PRIMPOL: variants seen among roughly 807,000 people sequenced by gnomAD.
PRIMPOL encodes the protein primase and DNA directed polymerase, also known as DNA-directed primase/polymerase protein.
Under a neutral mutation model 63.6 loss-of-function variants are expected in PRIMPOL, and 54 were observed. The ratio of observed to expected loss-of-function variants is 0.85; its 90% CI spans 0.68 to 1.07. PRIMPOL has a LOEUF of 1.07. Ranked by LOEUF, PRIMPOL falls within the 50% of genes least tolerant of loss-of-function variation. PRIMPOL has a pLI of 0.00. For synonymous variants in PRIMPOL, 197 were observed against 220.2 expected (o/e 0.89, Z 0.93); for missense variants, 610 against 648.3 (o/e 0.94, Z 0.64).
intron 8 of PRIMPOL, among the ~76,000 whole-genome samples, chr4:184,679,820 C>T (rs1755123274): frequency 6.6e-6 from 1 of 152,162 alleles, no homozygotes; most frequent in Admixed American, 6.5e-5. Context: ...TTGCACACTC[C>T]TTATGAGAAT....
At chr4:184,687,604 G>C (rs896714696) in intron 11 of PRIMPOL, among the ~76,000 whole-genome samples, 2 of 151,914 alleles carry the variant, frequency 1.3e-5, no homozygotes, top group African/African-American at 2.4e-5. Context: ...ACAATATACT[G>C]TTTTCTTTTT....
At chr4:184,681,853 C>T (rs75075970) in intron 8 of PRIMPOL, among the ~76,000 whole-genome samples, 16,054 of 152,114 alleles carry the variant, frequency 0.11, 1,041 homozygotes, top group Admixed American at 0.15. Flanking sequence ...GGATTATAGG[C>T]GTGAGCCACT....
At chr4:184,672,559 C>T (rs1461881059) in intron 7 of PRIMPOL, 99 bp downstream of exon 7, 1 of 1,206,426 alleles carries the variant, frequency 8.3e-7, no homozygotes. Flanking sequence ...TTCTTGCTTC[C>T]TCCACTGCCC....
intron 9 of PRIMPOL, 93 bp from the exon 10 acceptor site, chr4:184,685,316 C>A: frequency 1.1e-6 from 1 of 914,974 alleles, no homozygotes; most frequent in Non-Finnish European, 1.8e-6. Context: ...TGAGAGATTG[C>A]AAAACCCGTA....
intron 13 of PRIMPOL, chr4:184,694,175 C>T: frequency 9.8e-7 from 1 of 1,016,340 alleles, no homozygotes; most frequent in African/African-American, 1.7e-5. Context: ...AGTCCATTGT[C>T]AAGATAGCAA....
intron 1 of PRIMPOL, among the ~76,000 whole-genome samples, chr4:184,651,768 C>T (rs983722490): frequency 1.2e-4 from 18 of 152,274 alleles, no homozygotes; most frequent in Middle Eastern, 6.8e-3. Context: ...CCTGCCTCAG[C>T]CTCCCAAGTG....
rs528223729 is a variant in PRIMPOL at position 184,675,742 on chromosome 4, G to A, written c.845-2490G>A. On this transcript the variant is annotated intron_variant, in intron 7 of 13. Coordinates refer to ENST00000314970, the MANE Select transcript of PRIMPOL (RefSeq NM_152683.4). Reference sequence around the variant, plus strand: ...TGAGACATGAGAATCACTTGAATCCGGGAGGCAGAGGTTGCAGTGAGCCGA... The same window carrying A: ...TGAGACATGAGAATCACTTGAATCCAGGAGGCAGAGGTTGCAGTGAGCCGA... Among the ~76,000 whole-genome samples the A allele has an allele frequency of 1.0e-4, 15 of 149,750 alleles. No individual in the cohort carries two copies. The South Asian group carries it at 2.5e-3, about 25-fold the overall frequency.
In PRIMPOL at chr4:184,694,941, C is replaced by G; in HGVS notation, c.*162C>G. ...GTAAACCAATTTCATTAAAAATTAG[C>G]TTTGGTGTAAATTCAGGAGAAATCG... On this transcript the variant is annotated 3_prime_UTR_variant, in exon 14 of 14. Transcript: ENST00000314970. 1 of 609,474 alleles carries G rather than the reference C, an allele frequency of 1.6e-6. No homozygotes were observed. Among genetic ancestry groups the G allele is most frequent in the Non-Finnish European group, 2.8e-6 (1 of 359,556 alleles). The allele number at this position is 609,474 out of a possible 1,614,324, so 37.8% of individuals were successfully genotyped here. A position where few individuals can be genotyped will look rare whatever the true frequency, so the allele number is the denominator to read the frequency against.
intron 7 of PRIMPOL, among the ~76,000 whole-genome samples, chr4:184,673,866 A>T (rs770006962): frequency 6.6e-6 from 1 of 152,190 alleles, no homozygotes; most frequent in Non-Finnish European, 1.5e-5. Context: ...GCTGGATTGC[A>T]TGTTTTTCTA....
intron 12 of PRIMPOL, 33 bp from the exon 13 acceptor site, chr4:184,691,633 A>C: frequency 6.2e-7 from 1 of 1,601,854 alleles, no homozygotes; most frequent in Non-Finnish European, 8.6e-7. Context: ...GATAACTGTA[A>C]TATGTAATAG....
intron 11 of PRIMPOL, 125 bp downstream of exon 11, chr4:184,685,809 T>TC (rs1415793234): frequency 9.5e-6 from 5 of 524,208 alleles, no homozygotes; most frequent in African/African-American, 6.1e-5. Flanking sequence ...TTAAATTTCT[T>TC]TTTTTTTTCC....
intron 11 of PRIMPOL, among the ~76,000 whole-genome samples, chr4:184,688,080 T>G (rs1158534624): frequency 6.6e-6 from 1 of 152,220 alleles, no homozygotes; most frequent in East Asian, 1.9e-4. Flanking sequence ...TAGGCCACAG[T>G]TTATCTGTTT....
chr4:184,685,465 C>G lies in PRIMPOL; in HGVS notation c.1153C>G (p.Leu385Val), dbSNP rs911977216. ...SPYPEVDHFVLSLVNKDGIKG... is the reference protein window; with the variant it reads ...SPYPEVDHFVVSLVNKDGIKG... The stretch of plus-strand genomic sequence containing the variant: ...CTATCCTGAAGTTGATCATTTTGTT[C>G]TTTCTTTGGTGAATAAAGATGGCAT... Residue 385 changes from leucine to valine, a missense_variant, in exon 10 of 14, where the codon CTT becomes GTT. Coordinates refer to ENST00000314970, the MANE Select transcript of PRIMPOL (RefSeq NM_152683.4). 1 of 1,612,934 alleles carries G rather than the reference C, an allele frequency of 6.2e-7. No homozygotes were observed.
intron 5 of PRIMPOL, among the ~76,000 whole-genome samples, chr4:184,662,130 A>C (rs979741600): frequency 6.6e-5 from 10 of 152,184 alleles, no homozygotes; most frequent in Admixed American, 3.9e-4. Context: ...CTGGTAAAAA[A>C]AATGCTTTGA....
intron 9 of PRIMPOL, among the ~76,000 whole-genome samples, chr4:184,684,949 T>C (rs1756628749): frequency 1.3e-5 from 2 of 152,146 alleles, no homozygotes; most frequent in African/African-American, 2.4e-5. Context: ...TTTGCCTGTG[T>C]TGGGACATGA....
At chr4:184,675,215 C>T (rs528186291) in intron 7 of PRIMPOL, among the ~76,000 whole-genome samples, 2 of 152,284 alleles carry the variant, frequency 1.3e-5, no homozygotes, top group African/African-American at 4.8e-5. Context: ...TAATCTTATG[C>T]AGTTATGATT....
At chr4:184,680,913 C>T (rs1755454281) in intron 8 of PRIMPOL, among the ~76,000 whole-genome samples, 1 of 152,128 alleles carries the variant, frequency 6.6e-6, no homozygotes, top group African/African-American at 2.4e-5. Flanking sequence ...CCTATTGGCA[C>T]CAGAATAAGG....
At position 184,694,944 on chromosome 4, in the gene PRIMPOL, TG is replaced by T; in HGVS notation, c.*167del. The T allele has an allele frequency of 1.7e-6, 1 of 605,868 alleles. No homozygotes were observed. The highest frequency in any genetic ancestry group is 2.8e-6 in the Non-Finnish European group (1 of 355,996). The allele number at this position is 605,868 out of a possible 1,614,324, so 37.5% of individuals were successfully genotyped here. On this transcript the variant is annotated 3_prime_UTR_variant, in exon 14 of 14. Transcript: ENST00000314970. ...AACCAATTTCATTAAAAATTAGCTT[TG>T]GTGTAAATTCAGGAGAAATCGCCTT...
intron 6 of PRIMPOL, among the ~76,000 whole-genome samples, chr4:184,667,220 G>A (rs1039348534): frequency 4.6e-5 from 7 of 152,114 alleles, no homozygotes; most frequent in Non-Finnish European, 1.0e-4. Flanking sequence ...TCAGCTGGAC[G>A]TTCCTTCTCA....
Sources: gnomAD v4.1 joint callset for allele counts (sites outside exome capture counted in the v4.1 genomes callset) on GRCh38, gnomAD v4.1.1 for gene constraint, MANE v1.5 for transcripts, NCBI Gene and HGNC (gene_info 2026-07-23, HGNC 2026-07-21) for gene names.